Variants in SGCZ observed in about 807,000 individuals in gnomAD.
The protein encoded by SGCZ is zeta-sarcoglycan.
Under a neutral mutation model 41.3 loss-of-function variants are expected in SGCZ, and 40 were observed. That is an observed-to-expected ratio of 0.97 (90% confidence interval 0.75 to 1.26). SGCZ has a LOEUF of 1.26. SGCZ is among the 50% of genes most tolerant of loss of function. The pLI is 0.00. For synonymous variants in SGCZ, 206 were observed against 137.5 expected, an observed-to-expected ratio of 1.50 and a Z score of -3.49; for missense variants, 552 against 369.8, an observed-to-expected ratio of 1.49 and a Z score of -4.04.
intron 1 of SGCZ, among the ~76,000 whole-genome samples, chr8:14,989,806 T>G (rs1801946333): frequency 6.6e-6 from 1 of 152,164 alleles, no homozygotes; most frequent in Non-Finnish European, 1.5e-5. Context: ...CTGTTTTTGT[T>G]ACAAAAACAT....
intron 2 of SGCZ, among the ~76,000 whole-genome samples, chr8:14,527,646 G>C (rs1325532984): frequency 6.6e-6 from 1 of 152,006 alleles, no homozygotes; most frequent in Non-Finnish European, 1.5e-5. Context: ...GACTATTTAA[G>C]CTTAAATTTT....
Position 14,859,502 on chromosome 8 carries a change from G to A in SGCZ, c.40-304576C>T, listed in dbSNP as rs1347023471. Among the ~76,000 whole-genome samples, 4 of 152,208 alleles carry A rather than the reference G, an allele frequency of 2.6e-5. No homozygotes were observed. In the East Asian group the frequency reaches 7.7e-4, roughly 29 times the overall value. On this transcript the variant is annotated intron_variant, in intron 1 of 7. Transcript: ENST00000382080. ...GGACACATTGGACTCTTCTTTGGAAGACTACACTCCCCAAATCCCAGCCCT... is the reference window on the plus strand; with the variant it reads ...GGACACATTGGACTCTTCTTTGGAAAACTACACTCCCCAAATCCCAGCCCT...
chr8:14,683,984 G>T (rs1439247802), intron 1 of SGCZ, among the ~76,000 whole-genome samples: 1 of 152,116 alleles, frequency 6.6e-6, no homozygotes, highest in Non-Finnish European at 1.5e-5. Context: ...TCCATGGGAT[G>T]CCATAGGTTT....
At chr8:14,278,679 T>G (rs891630075) in intron 3 of SGCZ, among the ~76,000 whole-genome samples, 8 of 152,170 alleles carry the variant, frequency 5.3e-5, no homozygotes, top group Non-Finnish European at 1.2e-4. Context: ...TGCCATTGAT[T>G]TGATATAATC....
At chr8:15,194,228 C>CACACACACA in intron 1 of SGCZ, among the ~76,000 whole-genome samples, 1 of 141,332 alleles carries the variant, frequency 7.1e-6, no homozygotes, top group South Asian at 2.3e-4. Context: ...CACACACACA[C>CACACACACA]CACAACCCTC....
chr8:14,802,107 T>A (rs1233045369), intron 1 of SGCZ, among the ~76,000 whole-genome samples: 1 of 152,168 alleles, frequency 6.6e-6, no homozygotes, highest in East Asian at 1.9e-4. Flanking sequence ...TTAACTATGA[T>A]TTAGCCAGAA....
At chr8:14,588,220 C>A (rs1805124331) in intron 1 of SGCZ, among the ~76,000 whole-genome samples, 1 of 149,624 alleles carries the variant, frequency 6.7e-6, no homozygotes, top group Non-Finnish European at 1.5e-5. Flanking sequence ...AAAACTGCCT[C>A]ATCCATCTGC....
chr8:14,553,460 T>C (rs1367471416), intron 2 of SGCZ, among the ~76,000 whole-genome samples: 2 of 152,090 alleles, frequency 1.3e-5, no homozygotes, highest in Non-Finnish European at 2.9e-5. Flanking sequence ...CCAACTTTTC[T>C]TTGCCTTCAG....
rs529467557 is a variant in SGCZ, at chr8:14,163,857, A to C, written c.547+723T>G. 2.0e-5 allele frequency among the ~76,000 whole-genome samples: 3 copies of C among 152,172 alleles called. No individual in the cohort carries two copies. The East Asian group carries it at 5.8e-4, about 29-fold the overall frequency. On this transcript the variant is annotated intron_variant, in intron 5 of 7. Coordinates refer to ENST00000382080, the MANE Select transcript of SGCZ (RefSeq NM_139167.4). ...AACATGAAGTCAAATATACTTTATT[A>C]TTTTCTTCTTGTTTTTTAAAATGTA...
At chr8:14,563,221 G>C (rs1017089052) in intron 1 of SGCZ, among the ~76,000 whole-genome samples, 1 of 152,086 alleles carries the variant, frequency 6.6e-6, no homozygotes, top group African/African-American at 2.4e-5. Context: ...TAGGATACCT[G>C]CAAGTAAAAG....
intron 7 of SGCZ, among the ~76,000 whole-genome samples, chr8:14,097,826 T>A (rs73215903): frequency 0.1 from 15,491 of 152,168 alleles, 823 homozygotes; most frequent in African/African-American, 0.14. Flanking sequence ...TTCATTAATC[T>A]CTTTACCATT....
At chr8:14,207,998 T>A (rs1805672958) in intron 4 of SGCZ, among the ~76,000 whole-genome samples, 1 of 152,182 alleles carries the variant, frequency 6.6e-6, no homozygotes, top group Non-Finnish European at 1.5e-5. Context: ...TTATACACAC[T>A]ATGATGGACT....
intron 3 of SGCZ, among the ~76,000 whole-genome samples, chr8:14,320,895 T>A (rs954296491): frequency 6.6e-6 from 1 of 152,090 alleles, no homozygotes. Flanking sequence ...AACTACACGA[T>A]GCAAATTTTG....
At chr8:15,104,479 T>C (rs1331438418) in intron 1 of SGCZ, among the ~76,000 whole-genome samples, 4 of 152,232 alleles carry the variant, frequency 2.6e-5, no homozygotes, top group African/African-American at 9.6e-5. Flanking sequence ...AATATTATAA[T>C]CCAGGTATTT....
intron 1 of SGCZ, among the ~76,000 whole-genome samples, chr8:15,046,193 A>G (rs1175350820): frequency 3.9e-5 from 6 of 152,050 alleles, no homozygotes; most frequent in Non-Finnish European, 1.5e-5. Flanking sequence ...TTACTTTCCA[A>G]TTAAAGCCTA....
chr8:14,997,219 T>C (rs917716924), intron 1 of SGCZ, among the ~76,000 whole-genome samples: 30 of 152,236 alleles, frequency 2.0e-4, no homozygotes, highest in Non-Finnish European at 4.4e-5. Context: ...AATAGGTTAA[T>C]AGTATTCGAT....
At chr8:15,110,765 T>A (rs1417227192) in intron 1 of SGCZ, among the ~76,000 whole-genome samples, 1 of 152,120 alleles carries the variant, frequency 6.6e-6, no homozygotes. Context: ...GGTCAGGAGT[T>A]CGAGACCAGC....
At chr8:14,712,496 T>C (rs1406503931) in intron 1 of SGCZ, among the ~76,000 whole-genome samples, 1 of 152,166 alleles carries the variant, frequency 6.6e-6, no homozygotes, top group East Asian at 1.9e-4. Context: ...GTAGGGCAGT[T>C]ATGTAGTGAA....
intron 2 of SGCZ, among the ~76,000 whole-genome samples, chr8:14,385,915 T>C (rs879605785): frequency 1.3e-5 from 2 of 152,136 alleles, no homozygotes; most frequent in Non-Finnish European, 2.9e-5. Context: ...TATTTGCAAA[T>C]AACCTACACA....
Sources: gnomAD v4.1 joint callset for allele counts (sites outside exome capture counted in the v4.1 genomes callset) on GRCh38, gnomAD v4.1.1 for gene constraint, MANE v1.5 for transcripts, NCBI Gene and HGNC (gene_info 2026-07-23, HGNC 2026-07-21) for gene names.